Variants in SDK1 observed in about 807,000 individuals in gnomAD.
The protein encoded by SDK1 is sidekick cell adhesion molecule 1.
SDK1 carries 157 observed loss-of-function variants against 245.5 expected under a neutral mutation model. The ratio of observed to expected loss-of-function variants is 0.64; its 90% CI spans 0.56 to 0.73. The LOEUF (loss-of-function observed/expected upper bound fraction) is 0.73. SDK1 is among the 30% of genes least tolerant of loss of function. SDK1 has a pLI of 0.00. For synonymous variants in SDK1, 1,647 were observed against 1,278.5 expected, an observed-to-expected ratio of 1.29 and a Z score of -6.15; for missense variants, 3,583 against 3,002.3, an observed-to-expected ratio of 1.19 and a Z score of -4.52.
Position 3,924,032 on chromosome 7 carries a change from A to T in SDK1, c.848-26891A>T, listed in dbSNP as rs529149201. ...TACTATTTTTTCTTTGGATATTTCT[A>T]TAGAGATTTAGGAAGAGGTGCAGAA... On this transcript the variant is annotated intron_variant, in intron 5 of 44. Coordinates refer to ENST00000404826, the MANE Select transcript of SDK1 (RefSeq NM_152744.4). Among the ~76,000 whole-genome samples, 22 of 151,920 alleles carry T rather than the reference A, an allele frequency of 1.4e-4. 1 individual carries two copies. The South Asian group carries it at 4.4e-3, about 30-fold the overall frequency.
intron 1 of SDK1, among the ~76,000 whole-genome samples, chr7:3,591,410 G>C (rs927292487): frequency 1.3e-5 from 2 of 152,348 alleles, no homozygotes; most frequent in Middle Eastern, 3.4e-3. Context: ...CCGCCTAGGG[G>C]AGACCTTCCC....
rs1341376374 is a variant in SDK1 at position 4,266,280 on chromosome 7, A to G, written c.*896A>G. 2 of 985,278 alleles carry G rather than the reference A, an allele frequency of 2.0e-6. No homozygotes were observed. Among genetic ancestry groups the G allele is most frequent in the Admixed American group, 1.2e-4 (2 of 16,266 alleles). The allele number at this position is 985,278 out of a possible 1,614,324, so 61.0% of individuals were successfully genotyped here. Reference sequence around the variant, plus strand: ...TTAAAATCTTTTTATCTTTTTTTAAACTATGTCACATGAAATGAATGCGTC... The same window carrying G: ...TTAAAATCTTTTTATCTTTTTTTAAGCTATGTCACATGAAATGAATGCGTC... On this transcript the variant is annotated 3_prime_UTR_variant, in exon 45 of 45. Transcript: ENST00000404826.
chr7:4,223,692 C>G (rs767782991), intron 40 of SDK1, among the ~76,000 whole-genome samples: 1 of 152,184 alleles, frequency 6.6e-6, no homozygotes, highest in Non-Finnish European at 1.5e-5. Flanking sequence ...TGCAACTACC[C>G]TATTTCCAAA....
chr7:3,781,495 A>T (rs1207405601), intron 4 of SDK1, among the ~76,000 whole-genome samples: 1 of 152,210 alleles, frequency 6.6e-6, no homozygotes, highest in Non-Finnish European at 1.5e-5. Context: ...AAATGTGCAG[A>T]TAACACAAGG....
intron 1 of SDK1, among the ~76,000 whole-genome samples, chr7:3,554,207 G>A (rs1779512327): frequency 6.6e-6 from 1 of 152,104 alleles, no homozygotes; most frequent in East Asian, 1.9e-4. Context: ...CACATCCTGG[G>A]CCATAGAGCA....
At chr7:4,228,566 G>A (rs1043620247) in intron 40 of SDK1, among the ~76,000 whole-genome samples, 2 of 152,182 alleles carry the variant, frequency 1.3e-5, no homozygotes, top group African/African-American at 2.4e-5. Context: ...TTGAAACCGA[G>A]TCTCACTCTG....
In SDK1 at chr7:3,893,142, G is replaced by T. The variant is rs147411721; in HGVS notation, c.848-57781G>T. ...CATCTAACTCTCAGGGCTGTGGGTA[G>T]GATAATTATTTTATACAGTGCCTTT... On this transcript the variant is annotated intron_variant, in intron 5 of 44. Coordinates refer to ENST00000404826, the MANE Select transcript of SDK1 (RefSeq NM_152744.4). Among the ~76,000 whole-genome samples the T allele has an allele frequency of 1.3e-3, 193 of 152,266 alleles. 5 individuals are homozygous for T. In the East Asian group the frequency reaches 0.017, roughly 14 times the overall value.
intron 32 of SDK1, among the ~76,000 whole-genome samples, chr7:4,173,775 A>G (rs1348975643): frequency 6.6e-6 from 1 of 152,132 alleles, no homozygotes; most frequent in Non-Finnish European, 1.5e-5. Flanking sequence ...AGTGAGGGGT[A>G]CAGTACGGCA....
At chr7:4,252,620 G>T (rs1192427511) in intron 44 of SDK1, among the ~76,000 whole-genome samples, 1 of 152,036 alleles carries the variant, frequency 6.6e-6, no homozygotes, top group Non-Finnish European at 1.5e-5. Context: ...TAGTTTACTT[G>T]TCTTATTTAT....
At chr7:3,856,135 C>A (rs1282619049) in intron 5 of SDK1, among the ~76,000 whole-genome samples, 4 of 152,048 alleles carry the variant, frequency 2.6e-5, no homozygotes, top group Non-Finnish European at 4.4e-5. Flanking sequence ...AAAATGCATA[C>A]TAATTTTCTT....
At chr7:3,678,775 A>G (rs1783997526) in intron 4 of SDK1, among the ~76,000 whole-genome samples, 1 of 152,232 alleles carries the variant, frequency 6.6e-6, no homozygotes, top group Non-Finnish European at 1.5e-5. Flanking sequence ...CATTAAAATG[A>G]TAGATTTCAG....
chr7:3,317,020 A>G (rs1452193803), intron 1 of SDK1, among the ~76,000 whole-genome samples: 2 of 151,710 alleles, frequency 1.3e-5, no homozygotes, highest in Admixed American at 6.6e-5. Flanking sequence ...TCTCTACACA[A>G]CGTACAAAAA....
At chr7:3,766,567 C>A (rs903443222) in intron 4 of SDK1, among the ~76,000 whole-genome samples, 4 of 152,016 alleles carry the variant, frequency 2.6e-5, no homozygotes, top group Admixed American at 1.3e-4. Context: ...AATAATATAA[C>A]GTGAGATACT....
Position 4,266,368 on chromosome 7 carries a change from C to T in SDK1, c.*984C>T, listed in dbSNP as rs1788468665. On this transcript the variant is annotated 3_prime_UTR_variant, in exon 45 of 45. Coordinates refer to ENST00000404826, the MANE Select transcript of SDK1 (RefSeq NM_152744.4). ...CTTTGTACATGGGAAAGATGAAAAG[C>T]AACAGTGTCTGCAAATAAAGCAAAA... 1.7e-5 allele frequency: 17 copies of T among 985,364 alleles called. No individual in the cohort carries two copies. Among genetic ancestry groups the T allele is most frequent in the Non-Finnish European group, 1.8e-5 (15 of 829,932 alleles). 61.0% of individuals were successfully genotyped at this position (985,364 alleles called of 1,614,324 possible).
At chr7:3,989,188 A>G (rs990088331) in intron 14 of SDK1, among the ~76,000 whole-genome samples, 1 of 152,226 alleles carries the variant, frequency 6.6e-6, no homozygotes, top group Non-Finnish European at 1.5e-5. Flanking sequence ...TTAATGGAGA[A>G]CTCACAGTTC....
At chr7:3,943,567 G>A (rs922522893) in intron 5 of SDK1, among the ~76,000 whole-genome samples, 5 of 150,586 alleles carry the variant, frequency 3.3e-5, no homozygotes, top group Admixed American at 6.6e-5. Flanking sequence ...TTCCTAGCGC[G>A]GAGGCTCCCT....
At chr7:4,007,353 G>A (rs1328440886) in intron 14 of SDK1, among the ~76,000 whole-genome samples, 2 of 152,088 alleles carry the variant, frequency 1.3e-5, no homozygotes, top group African/African-American at 4.8e-5. Flanking sequence ...GGAAAAGAGG[G>A]GGACCCAGGT....
intron 5 of SDK1, among the ~76,000 whole-genome samples, chr7:3,899,611 C>T (rs1273695802): frequency 1.3e-5 from 2 of 152,226 alleles, no homozygotes; most frequent in Non-Finnish European, 2.9e-5. Flanking sequence ...GAGCAGTGGA[C>T]AGGTTCCTCC....
At chr7:4,185,164 C>T (rs940515074) in intron 35 of SDK1, among the ~76,000 whole-genome samples, 1 of 152,184 alleles carries the variant, frequency 6.6e-6, no homozygotes, top group South Asian at 2.1e-4. Context: ...GAAGGGGACT[C>T]GGGCATTCAC....
Sources: allele counts gnomAD v4.1 joint callset (sites outside exome capture counted in the v4.1 genomes callset), GRCh38; gene constraint gnomAD v4.1.1; transcripts MANE v1.5; gene names NCBI Gene and HGNC (gene_info 2026-07-23, HGNC 2026-07-21).